MYO6: variants seen among roughly 807,000 people sequenced by gnomAD.
MYO6 encodes the protein unconventional myosin-VI.
Under a neutral mutation model 178.7 loss-of-function variants are expected in MYO6, and 74 were observed. That is an observed-to-expected ratio of 0.41 (90% CI 0.34 to 0.50). The LOEUF (loss-of-function observed/expected upper bound fraction) is 0.50. MYO6 is among the 20% of genes least tolerant of loss of function. The pLI, the probability that MYO6 is intolerant of heterozygous loss-of-function variation, is 0.09. For synonymous variants in MYO6, 477 were observed against 504.6 expected (o/e 0.95, Z 0.73); for missense variants, 1,330 against 1,547.4 (o/e 0.86, Z 2.36).
intron 1 of MYO6, among the ~76,000 whole-genome samples, chr6:75,749,909 T>C (rs977146484): frequency 1.8e-4 from 28 of 152,182 alleles, no homozygotes; most frequent in South Asian, 1.7e-3. Context: ...GTCCAGTACC[T>C]TGAGTATGTT....
intron 11 of MYO6, among the ~76,000 whole-genome samples, chr6:75,851,674 GCA>G (rs918247199): frequency 2.0e-5 from 3 of 150,422 alleles, no homozygotes; most frequent in African/African-American, 4.9e-5. Context: ...ACACACAAAC[GCA>G]CACACACACA....
At chr6:75,793,394 C>T (rs1399656288) in intron 1 of MYO6, among the ~76,000 whole-genome samples, 2 of 152,044 alleles carry the variant, frequency 1.3e-5, no homozygotes, top group Non-Finnish European at 2.9e-5. Context: ...CACCTGAGGT[C>T]AGGAGTTGAG....
intron 10 of MYO6, among the ~76,000 whole-genome samples, chr6:75,847,994 AAGTATTG>A (rs1312219381): frequency 6.6e-6 from 1 of 152,104 alleles, no homozygotes; most frequent in Non-Finnish European, 1.5e-5. Flanking sequence ...ATGTTGATTC[AAGTATTG>A]ATATTCCCTC....
chr6:75,755,960 A>C (rs924134321), intron 1 of MYO6, among the ~76,000 whole-genome samples: 3 of 152,232 alleles, frequency 2.0e-5, no homozygotes, highest in Admixed American at 6.5e-5. Context: ...TGCATGACTT[A>C]CTTGCTCTGG....
chr6:75,842,101 A>G (rs1360893307), intron 9 of MYO6, among the ~76,000 whole-genome samples: 2 of 152,138 alleles, frequency 1.3e-5, no homozygotes, highest in Non-Finnish European at 2.9e-5. Flanking sequence ...TTGCTTGCCC[A>G]TTGGGTGCCA....
chr6:75,778,810 A>T (rs117385351), intron 1 of MYO6, among the ~76,000 whole-genome samples: 2,618 of 151,842 alleles, frequency 0.017, 53 homozygotes, highest in East Asian at 0.11. Flanking sequence ...TAATCCCAGT[A>T]TTTTGAGAGG....
chr6:75,809,900 T>TA (rs1178309622), intron 1 of MYO6, among the ~76,000 whole-genome samples: 3,946 of 79,966 alleles, frequency 0.049, 80 homozygotes, highest in East Asian at 0.16. Flanking sequence ...TTGTCTCTGC[T>TA]AAAAAAAAAA....
At chr6:75,830,715 G>A (rs749466149) in intron 5 of MYO6, among the ~76,000 whole-genome samples, 170 bp downstream of exon 5, 1 of 152,148 alleles carries the variant, frequency 6.6e-6, no homozygotes, top group Non-Finnish European at 1.5e-5. Context: ...TTTACACAGG[G>A]TGAGGAAGAA....
At chr6:75,777,450 CAG>C (rs1458402916) in intron 1 of MYO6, among the ~76,000 whole-genome samples, 1 of 149,350 alleles carries the variant, frequency 6.7e-6, no homozygotes, top group Non-Finnish European at 1.5e-5. Context: ...TTTTTTGAAA[CAG>C]GGTCTCACTG....
chr6:75,860,573 G>C (rs1776118679), intron 14 of MYO6, among the ~76,000 whole-genome samples: 1 of 152,154 alleles, frequency 6.6e-6, no homozygotes, highest in African/African-American at 2.4e-5. Context: ...TAGAATGTCA[G>C]AAATCTTTTC....
intron 6 of MYO6, among the ~76,000 whole-genome samples, chr6:75,834,698 A>T (rs1189747909): frequency 6.6e-6 from 1 of 152,198 alleles, no homozygotes; most frequent in African/African-American, 2.4e-5. Flanking sequence ...TATAGTTCTT[A>T]GTTGATTGCT....
Position 75,890,171 on chromosome 6 carries a change from A to G in MYO6, c.2773A>G (p.Arg925Gly). 1 of 1,613,474 alleles carries G rather than the reference A, an allele frequency of 6.2e-7. No individual in the cohort carries two copies. Among genetic ancestry groups the G allele is most frequent in the Non-Finnish European group, 8.5e-7 (1 of 1,179,394 alleles). ...AAAACAGCAGGAAGAGGAAGCAGAA[A>G]GGCTGAGGCGTATTCAAGAAGAAAT... The part of the protein sequence containing the change: ...KKKQQEEEAE[R>G]LRRIQEEMEK... Residue 925 changes from arginine to glycine, a missense_variant, in exon 26 of 35, where the codon AGG (arginine) becomes GGG (glycine). Around this residue, in one of 3 missense-constraint regions of MYO6, gnomAD observed 601 missense variants for 626.1 expected, o/e 0.96. Transcript: ENST00000369977.
intron 7 of MYO6, among the ~76,000 whole-genome samples, chr6:75,837,782 C>G (rs1490441197): frequency 1.3e-5 from 2 of 152,028 alleles, no homozygotes; most frequent in Non-Finnish European, 2.9e-5. Flanking sequence ...CAGATATGTA[C>G]TTATCTTGTA....
chr6:75,773,498 G>A (rs1253574679), intron 1 of MYO6, among the ~76,000 whole-genome samples: 2 of 152,214 alleles, frequency 1.3e-5, no homozygotes, highest in Non-Finnish European at 2.9e-5. Flanking sequence ...TTGATCTTCA[G>A]CTGCATTCAG....
intron 25 of MYO6, among the ~76,000 whole-genome samples, chr6:75,887,904 G>A (rs533323125): frequency 6.6e-6 from 1 of 151,760 alleles, no homozygotes; most frequent in African/African-American, 2.4e-5. Context: ...GAGTGAACCG[G>A]GGGGGCGGAG....
chr6:75,782,003 G>A (rs1767037461), intron 1 of MYO6, among the ~76,000 whole-genome samples: 1 of 151,556 alleles, frequency 6.6e-6, no homozygotes, highest in Non-Finnish European at 1.5e-5. Flanking sequence ...ATGAGGACTG[G>A]TGCTGGAGTT....
At chr6:75,882,143 A>G (rs978590857) in intron 23 of MYO6, among the ~76,000 whole-genome samples, 3 of 152,108 alleles carry the variant, frequency 2.0e-5, no homozygotes, top group Admixed American at 6.6e-5. Context: ...TTCTGCCTGC[A>G]TGGCATCTAC....
At chr6:75,860,170 T>C (rs1218331693) in intron 14 of MYO6, among the ~76,000 whole-genome samples, 2 of 152,272 alleles carry the variant, frequency 1.3e-5, no homozygotes, top group African/African-American at 4.8e-5. Context: ...TTTTATTTCC[T>C]ATTTCCATCC....
intron 1 of MYO6, among the ~76,000 whole-genome samples, chr6:75,804,880 A>G (rs977909687): frequency 2.0e-3 from 172 of 87,948 alleles, no homozygotes; most frequent in African/African-American, 0.016. Flanking sequence ...ATATATATAT[A>G]CACACACACA....
Sources: gnomAD v4.1 joint callset for allele counts (sites outside exome capture counted in the v4.1 genomes callset) on GRCh38, gnomAD v4.1.1 for gene constraint, gnomAD v4.1.1 regional missense constraint, MANE v1.5 for transcripts, NCBI Gene and HGNC (gene_info 2026-07-23, HGNC 2026-07-21) for gene names.